Variants in XRRA1 observed in about 807,000 individuals in gnomAD.
XRRA1 encodes the protein X-ray radiation resistance associated 1.
XRRA1 carries 69 observed loss-of-function variants against 80.2 expected under a neutral mutation model. The ratio of observed to expected loss-of-function variants is 0.86; its 90% CI spans 0.71 to 1.05. The LOEUF (loss-of-function observed/expected upper bound fraction) is 1.05. Among genes scored for constraint, XRRA1 ranks in the 50% least tolerant of loss-of-function variants. XRRA1 has a pLI of 0.00. For missense variants in XRRA1, 967 were observed against 976.4 expected (o/e 0.99, Z 0.13); for synonymous variants, 348 against 389.9 (o/e 0.89, Z 1.27).
intron 10 of XRRA1, among the ~76,000 whole-genome samples, chr11:74,881,355 G>A (rs1419184555): frequency 2.0e-5 from 3 of 151,198 alleles, no homozygotes; most frequent in Non-Finnish European, 2.9e-5. Flanking sequence ...GCCTATGTGC[G>A]TCTCTGCACA....
intron 10 of XRRA1, among the ~76,000 whole-genome samples, chr11:74,882,914 A>G (rs1307896496): frequency 1.3e-5 from 2 of 152,204 alleles, no homozygotes; most frequent in African/African-American, 4.8e-5. Flanking sequence ...CTCTCTTCAA[A>G]GCTGTCAGAC....
chr11:74,848,268 G>C lies in XRRA1; in HGVS notation c.1575C>G (p.Cys525Trp), dbSNP rs189717842. 5.9e-5 allele frequency: 95 copies of C among 1,613,850 alleles called. 1 individual carries two copies. The African/African-American group carries it at 1.2e-3, about 20-fold the overall frequency. ...TENLEGHSPS[C>W]RTFVPLPPIC... ...TGGGAGGCAGTGGCACGAAGGTCCG[G>C]CAAGACGGGGAATGGCCTTCCAGGT... The change falls in exon 15 of 19, where the codon TGC becomes TGG. Residue 525 changes from cysteine (C) to tryptophan (W), a missense_variant. Physicochemically the swap from Cys to Trp is radical, Grantham distance 215. Transcript: ENST00000684022.
chr11:74,943,658 C>T (rs893377739), intron 2 of XRRA1, among the ~76,000 whole-genome samples: 1 of 151,938 alleles, frequency 6.6e-6, no homozygotes, highest in African/African-American at 2.4e-5. Context: ...ACCTAAGTCA[C>T]TGTTGCCAGA....
At position 74,945,081 on chromosome 11, in the gene XRRA1, T is replaced by A. The variant is rs2140072923; in HGVS notation, c.-68A>T. 6.5e-6 allele frequency: 1 copy of A among 152,742 alleles called. No homozygotes were observed. The highest frequency in any genetic ancestry group is 2.1e-4 in the South Asian group (1 of 4,826). The allele number at this position is 152,742 out of a possible 1,614,324, so 9.5% of individuals were successfully genotyped here. A position where few individuals can be genotyped will look rare whatever the true frequency, so the allele number is the denominator to read the frequency against. On this transcript the variant is annotated 5_prime_UTR_variant, in exon 2 of 19. The change creates a new upstream start codon in the 5' untranslated region. Transcript: ENST00000684022. ...TTTTTTTTGTTTCTTCACTTGTTTC[T>A]TTGCCTGTAAGATAAATATTATATT...
intron 11 of XRRA1, among the ~76,000 whole-genome samples, 165 bp from the exon 12 acceptor site, chr11:74,859,448 A>G (rs1166391946): frequency 1.3e-5 from 2 of 152,162 alleles, no homozygotes; most frequent in Non-Finnish European, 2.9e-5. Context: ...CCATCAGCCC[A>G]GAATTCTGGC....
chr11:74,859,946 G>T (rs1395885763), intron 11 of XRRA1, among the ~76,000 whole-genome samples: 4 of 152,068 alleles, frequency 2.6e-5, no homozygotes, highest in African/African-American at 9.7e-5. Context: ...AAAGGTAATT[G>T]TTGGTTTAAC....
intron 10 of XRRA1, among the ~76,000 whole-genome samples, chr11:74,882,338 C>T (rs1427588802): frequency 2.7e-5 from 4 of 150,598 alleles, no homozygotes; most frequent in East Asian, 1.9e-4. Context: ...ACGTAGTTCT[C>T]GAGCCTTGGT....
chr11:74,887,784 C>A (rs148769181), intron 10 of XRRA1, among the ~76,000 whole-genome samples: 3,241 of 152,268 alleles, frequency 0.021, 110 homozygotes, highest in African/African-American at 0.074. Flanking sequence ...TATCCCGCAC[C>A]TGGCTTGGAG....
chr11:74,937,982 T>C (rs1945424034), intron 3 of XRRA1, among the ~76,000 whole-genome samples: 1 of 152,180 alleles, frequency 6.6e-6, no homozygotes, highest in Admixed American at 6.5e-5. Context: ...TCCATTCCTA[T>C]CTTTTCTGAG....
chr11:74,946,693 C>T (rs185753400), intron 1 of XRRA1, among the ~76,000 whole-genome samples: 2 of 152,204 alleles, frequency 1.3e-5, no homozygotes, highest in Non-Finnish European at 2.9e-5. Flanking sequence ...TTCCCCACCT[C>T]ACTACAGGCT....
intron 12 of XRRA1, among the ~76,000 whole-genome samples, chr11:74,854,395 T>G (rs925454477): frequency 8.5e-5 from 13 of 152,218 alleles, no homozygotes; most frequent in African/African-American, 3.1e-4. Flanking sequence ...AAACCTTTTC[T>G]GTCAAAGACC....
chr11:74,882,838 G>A (rs2048007716), intron 10 of XRRA1, among the ~76,000 whole-genome samples: 1 of 152,240 alleles, frequency 6.6e-6, no homozygotes, highest in South Asian at 2.1e-4. Flanking sequence ...TCAGGGGTCA[G>A]GGACCCACTT....
At position 74,939,529 on chromosome 11, in the gene XRRA1, C is replaced by T. The variant is rs77096921; in HGVS notation, c.94+1256G>A. On this transcript the variant is annotated intron_variant, in intron 3 of 18. Transcript: ENST00000684022. ...GGAGCACCTTCAAGTCAGCTGCGTC[C>T]TTTCAACATGCCCTCATTATTTTCC... Among the ~76,000 whole-genome samples the T allele has an allele frequency of 3.6e-3, 544 of 152,306 alleles. 4 individuals carry two copies. The highest frequency in any genetic ancestry group is 0.012 in the African/African-American group (515 of 41,564).
In XRRA1 at chr11:74,843,087, A is replaced by G; in HGVS notation, c.*113T>C. Reference sequence around the variant, plus strand: ...GTGGCCAGCAAGTGGGGCCCAGCTGAGCTCTGAGGCCTGTGGCCGGCTGGT... The same window carrying G: ...GTGGCCAGCAAGTGGGGCCCAGCTGGGCTCTGAGGCCTGTGGCCGGCTGGT... On this transcript the variant is annotated 3_prime_UTR_variant, in exon 19 of 19. Transcript: ENST00000684022. The G allele has an allele frequency of 7.2e-7, 1 of 1,379,410 alleles. No individual in the cohort carries two copies. Among genetic ancestry groups the G allele is most frequent in the South Asian group, 1.5e-5 (1 of 66,964 alleles). 85.4% of individuals were successfully genotyped at this position (1,379,410 alleles called of 1,614,324 possible).
chr11:74,853,033 A>C (rs2135612909), intron 12 of XRRA1, among the ~76,000 whole-genome samples: 1 of 152,298 alleles, frequency 6.6e-6, no homozygotes, highest in African/African-American at 2.4e-5. Flanking sequence ...TCAACCAACA[A>C]ATATTTACTG....
chr11:74,852,700 T>C (rs1023157395), intron 12 of XRRA1, among the ~76,000 whole-genome samples: 4 of 152,208 alleles, frequency 2.6e-5, no homozygotes, highest in Non-Finnish European at 5.9e-5. Flanking sequence ...CTGCAATCGG[T>C]GGCTTATTGG....
At chr11:74,858,145 C>T (rs2135805200) in intron 12 of XRRA1, among the ~76,000 whole-genome samples, 1 of 152,188 alleles carries the variant, frequency 6.6e-6, no homozygotes, top group Middle Eastern at 3.4e-3. Flanking sequence ...CCAGTGAAAC[C>T]AGCAGCTAGT....
intron 10 of XRRA1, among the ~76,000 whole-genome samples, chr11:74,903,847 C>G (rs1330816195): frequency 2.6e-5 from 4 of 151,586 alleles, no homozygotes; most frequent in Non-Finnish European, 5.9e-5. Context: ...ACATTACACA[C>G]AAAATAATAT....
intron 10 of XRRA1, among the ~76,000 whole-genome samples, chr11:74,905,847 A>G (rs2054473708): frequency 6.6e-6 from 1 of 152,086 alleles, no homozygotes; most frequent in African/African-American, 2.4e-5. Flanking sequence ...AGGTGTCAGG[A>G]GCACCTCTTC....
Sources: gnomAD v4.1 joint callset for allele counts (sites outside exome capture counted in the v4.1 genomes callset) on GRCh38, gnomAD v4.1.1 for gene constraint, MANE v1.5 for transcripts, NCBI Gene and HGNC (gene_info 2026-07-23, HGNC 2026-07-21) for gene names.